VAV2: variants seen among roughly 807,000 people sequenced by gnomAD.
VAV2 encodes vav guanine nucleotide exchange factor 2, also known as guanine nucleotide exchange factor VAV2.
VAV2 carries 67 observed loss-of-function variants against 132.5 expected under a neutral mutation model. The observed-to-expected ratio is 0.51, with a 90% CI of 0.42 to 0.62. The LOEUF (loss-of-function observed/expected upper bound fraction) is 0.62, where lower values mean the gene tolerates loss of function less well. Among genes scored for constraint, VAV2 ranks in the 20% least tolerant of loss-of-function variants. The pLI, the probability that VAV2 is intolerant of heterozygous loss-of-function variation, is 0.00. For missense variants in VAV2, 938 were observed against 1,153.6 expected (o/e 0.81, Z 2.71); for synonymous variants, 492 against 443.5 (o/e 1.11, Z -1.37).
Position 133,794,050 on chromosome 9 carries a change from C to T in VAV2, c.1101+1618G>A, listed in dbSNP as rs539048056. Among the ~76,000 whole-genome samples, 111 of 152,244 alleles carry T rather than the reference C, an allele frequency of 7.3e-4. No individual in the cohort carries two copies. Among genetic ancestry groups the T allele is most frequent in the African/African-American group, 2.6e-3 (106 of 41,524 alleles). On this transcript the variant is annotated intron_variant, in intron 12 of 29. Transcript: ENST00000371850. The surrounding 1 kb of genome is among the most constrained non-coding windows in gnomAD (Gnocchi z 4.6). ...ACCGTGAGCTACACTCCTGGGAAAC[C>T]ATCCCGTCGAGGGGCTCAGAGCCAC...
chr9:133,818,146 C>G (rs2486331), intron 4 of VAV2, among the ~76,000 whole-genome samples: 100,455 of 151,870 alleles, frequency 0.66, 35,538 homozygotes, highest in East Asian at 0.95. Context: ...GGGCAGATCA[C>G]GAGGTCAGGA....
chr9:133,896,229 C>T (rs553813684), intron 2 of VAV2, among the ~76,000 whole-genome samples: 16 of 152,272 alleles, frequency 1.1e-4, no homozygotes, highest in Admixed American at 2.6e-4. Context: ...GCGAGGCATG[C>T]GGATCACTTG....
chr9:133,978,686 C>A (rs1223609568), intron 1 of VAV2, among the ~76,000 whole-genome samples: 1 of 152,234 alleles, frequency 6.6e-6, no homozygotes, highest in Non-Finnish European at 1.5e-5. Context: ...CCAGCAGCAT[C>A]AGGATTGCAA....
At chr9:133,775,480 A>G (rs1266347299) in intron 24 of VAV2, among the ~76,000 whole-genome samples, 1 of 152,176 alleles carries the variant, frequency 6.6e-6, no homozygotes, top group East Asian at 1.9e-4. Context: ...TTGGTAACAC[A>G]TTGGAGATTG....
chr9:133,813,260 T>C (rs1049507936), intron 4 of VAV2, among the ~76,000 whole-genome samples: 2 of 152,236 alleles, frequency 1.3e-5, no homozygotes, highest in African/African-American at 4.8e-5. Context: ...CAAAGTTCAC[T>C]GCTAGAAGGA....
intron 1 of VAV2, among the ~76,000 whole-genome samples, chr9:133,973,982 A>T (rs546610892): frequency 6.6e-6 from 1 of 152,274 alleles, no homozygotes; most frequent in African/African-American, 2.4e-5. Context: ...CCAGATTACC[A>T]GGCCAGGAAG....
intron 2 of VAV2, among the ~76,000 whole-genome samples, chr9:133,898,062 C>T (rs1266616684): frequency 6.7e-6 from 1 of 150,374 alleles, no homozygotes. Context: ...GGGAAGGCCA[C>T]GATCACTTCC....
chr9:133,842,240 CAGAA>C (rs1321100725), intron 3 of VAV2, among the ~76,000 whole-genome samples: 4 of 152,278 alleles, frequency 2.6e-5, no homozygotes, highest in African/African-American at 9.6e-5. Context: ...TTGGCCGGTA[CAGAA>C]AGAAAGTGGA....
rs1024725279 is a variant in VAV2 at position 133,863,517 on chromosome 9, G to C, written c.322-2085C>G. On this transcript the variant is annotated intron_variant, in intron 2 of 29. Transcript: ENST00000371850. This position sits in a 1 kb window ranked among gnomAD's most constrained non-coding sequence, Gnocchi z 5.0. ...CAGAACATGGTTCTCCTGCGTCCAT[G>C]CATCTGTGGCCCCTGTGGACAATTT... Among the ~76,000 whole-genome samples the C allele has an allele frequency of 1.1e-4, 16 of 152,238 alleles. No homozygotes were observed. The highest frequency in any genetic ancestry group is 3.9e-4 in the African/African-American group (16 of 41,474).
At chr9:133,915,691 G>GGA (rs1840052089) in intron 2 of VAV2, among the ~76,000 whole-genome samples, 1 of 138,306 alleles carries the variant, frequency 7.2e-6, no homozygotes, top group Non-Finnish European at 1.6e-5. Context: ...ATGCACACGT[G>GGA]CACACACAAT....
chr9:133,796,199 C>T (rs539936508), intron 11 of VAV2, among the ~76,000 whole-genome samples: 1 of 152,212 alleles, frequency 6.6e-6, no homozygotes. Context: ...CTGTCTCTTT[C>T]AGTTTTCTGA....
intron 23 of VAV2, among the ~76,000 whole-genome samples, chr9:133,777,028 TTCTC>T (rs1482856057): frequency 6.6e-6 from 1 of 152,192 alleles, no homozygotes; most frequent in African/African-American, 2.4e-5. Context: ...GAGCCTTTTT[TTCTC>T]TCTAAGGCTG....
Position 133,789,431 on chromosome 9 carries a change from A to G in VAV2, c.1189-88T>C, listed in dbSNP as rs10821524. The G allele has an allele frequency of 3.9e-6, 5 of 1,294,798 alleles. No homozygotes were observed. In the South Asian group the frequency reaches 4.9e-5, roughly 13 times the overall value. 80.2% of individuals were successfully genotyped at this position (1,294,798 alleles called of 1,614,324 possible). Reference sequence around the variant, plus strand: ...GGGCAGGGCAGACTGTCGTGCACCCAAGGGAACTCCCCACAGGCAGCAGAG... The same window carrying G: ...GGGCAGGGCAGACTGTCGTGCACCCGAGGGAACTCCCCACAGGCAGCAGAG... On this transcript the variant is annotated intron_variant, in intron 13 of 29. Coordinates refer to ENST00000371850, the MANE Select transcript of VAV2 (RefSeq NM_001134398.2).
In VAV2 at chr9:133,824,257, C is replaced by T. The variant is rs548829973; in HGVS notation, c.449+10015G>A. On this transcript the variant is annotated intron_variant, in intron 4 of 29. Transcript: ENST00000371850. This position sits in a 1 kb window ranked among gnomAD's most constrained non-coding sequence, Gnocchi z 5.2. ...CAGCAGTCCCACAGCCACCTCCCGA[C>T]GGGGACTGGGCTTGTCTAGACCACA... Among the ~76,000 whole-genome samples the T allele has an allele frequency of 1.3e-4, 20 of 152,280 alleles. No individual in the cohort carries two copies. The highest frequency in any genetic ancestry group is 7.7e-4 in the East Asian group (4 of 5,174).
At chr9:133,874,416 G>C (rs1246242404) in intron 2 of VAV2, among the ~76,000 whole-genome samples, 1 of 152,180 alleles carries the variant, frequency 6.6e-6, no homozygotes, top group African/African-American at 2.4e-5. Flanking sequence ...ATAAAGGTGG[G>C]TTCCAGTGTG....
chr9:133,877,039 C>T (rs1039099910), intron 2 of VAV2, among the ~76,000 whole-genome samples: 1 of 152,090 alleles, frequency 6.6e-6, no homozygotes, highest in Non-Finnish European at 1.5e-5. Context: ...CTGCCTGCCC[C>T]GAGTCTCCCT....
At chr9:133,851,664 G>GTGGA (rs144389638) in intron 3 of VAV2, among the ~76,000 whole-genome samples, 3,349 of 151,146 alleles carry the variant, frequency 0.022, 40 homozygotes, top group Middle Eastern at 0.031. Flanking sequence ...GGACAGAAGG[G>GTGGA]TGGATGGATG....
chr9:133,947,951 G>A lies in VAV2; in HGVS notation c.205-8732C>T, dbSNP rs1194141509. ...ACTACAGGCCTGTGCCACCAATGAC[G>A]AGCTAATTTTTGTATTTTTAGTAGA... On this transcript the variant is annotated intron_variant, in intron 1 of 29. Transcript: ENST00000371850. Among the ~76,000 whole-genome samples, 4 of 151,846 alleles carry A rather than the reference G, an allele frequency of 2.6e-5. 1 individual carries two copies. Among genetic ancestry groups the A allele is most frequent in the South Asian group, 4.2e-4 (2 of 4,812 alleles).
At chr9:133,960,019 G>C (rs1841914636) in intron 1 of VAV2, among the ~76,000 whole-genome samples, 1 of 152,238 alleles carries the variant, frequency 6.6e-6, no homozygotes. Context: ...CACACAGTGA[G>C]AGCCGGGAAC....
Sources: gnomAD v4.1 joint callset for allele counts (sites outside exome capture counted in the v4.1 genomes callset) on GRCh38, gnomAD v4.1.1 for gene constraint, Gnocchi (gnomAD v3.1) non-coding constraint, MANE v1.5 for transcripts, NCBI Gene and HGNC (gene_info 2026-07-23, HGNC 2026-07-21) for gene names.